CTNNA2: variants seen among roughly 807,000 people sequenced by gnomAD.
CTNNA2 encodes the protein catenin alpha 2.
CTNNA2 carries 42 observed loss-of-function variants against 101.0 expected under a neutral mutation model. The observed-to-expected ratio is 0.42, with a 90% CI of 0.32 to 0.54. CTNNA2 has a LOEUF of 0.54. Ranked by LOEUF, CTNNA2 falls within the 20% of genes least tolerant of loss-of-function variation. CTNNA2 has a pLI of 0.14. For synonymous variants in CTNNA2, 450 were observed against 456.4 expected, an observed-to-expected ratio of 0.99 and a Z score of 0.18; for missense variants, 871 against 1,223.1, an observed-to-expected ratio of 0.71 and a Z score of 4.29.
At chr2:80,051,198 C>G (rs1696857070) in intron 7 of CTNNA2, among the ~76,000 whole-genome samples, 2 of 152,204 alleles carry the variant, frequency 1.3e-5, no homozygotes, top group African/African-American at 2.4e-5. Flanking sequence ...AGGATTGTCA[C>G]TGGTAATTAT....
At chr2:80,377,157 A>G (rs1676032723) in intron 7 of CTNNA2, among the ~76,000 whole-genome samples, 2 of 152,232 alleles carry the variant, frequency 1.3e-5, no homozygotes, top group Non-Finnish European at 2.9e-5. Flanking sequence ...AGTGTTAAAT[A>G]TTACTCAGAT....
intron 7 of CTNNA2, among the ~76,000 whole-genome samples, chr2:80,085,381 A>G (rs11894967): frequency 0.014 from 2,164 of 152,212 alleles, 58 homozygotes; most frequent in African/African-American, 0.049. Context: ...TCACATTGCC[A>G]TGCCGAAGTT....
chr2:79,521,730 A>G (rs1186829966), intron 1 of CTNNA2, among the ~76,000 whole-genome samples: 1 of 152,178 alleles, frequency 6.6e-6, no homozygotes, highest in Non-Finnish European at 1.5e-5. Context: ...GGTTTTGGCA[A>G]GAGGTTGAAG....
rs1487894021 is a variant in CTNNA2, at chr2:80,647,587, G to A, written c.2577G>A (p.Leu859=). 2.5e-6 allele frequency: 4 copies of A among 1,607,804 alleles called. No homozygotes were observed. Among genetic ancestry groups the A allele is most frequent in the Admixed American group, 3.4e-5 (2 of 59,656 alleles). ...IGSGSSDSSM[L]DSATSLIQAA... ...ATCTCATTCTTTTCCTACTCTAGCT[G>A]GACAGTGCCACATCGCTTATCCAGG... Residue 859 remains leucine, a splice_region_variant and synonymous_variant, in exon 19 of 19, where the codon CTG becomes CTA. Coordinates refer to ENST00000402739, the MANE Select transcript of CTNNA2 (RefSeq NM_001282597.3).
At chr2:80,583,662 A>G (rs1024743741) in intron 14 of CTNNA2, among the ~76,000 whole-genome samples, 3 of 152,156 alleles carry the variant, frequency 2.0e-5, no homozygotes, top group Non-Finnish European at 4.4e-5. Context: ...CTTGCTTTAT[A>G]AGCACCATCT....
At chr2:79,353,596 C>G (rs369054783) in intron 3 of CTNNA2, among the ~76,000 whole-genome samples, 1 of 152,078 alleles carries the variant, frequency 6.6e-6, no homozygotes, top group Non-Finnish European at 1.5e-5. Context: ...AGACAGCATA[C>G]GGTGGGGTCT....
intron 4 of CTNNA2, among the ~76,000 whole-genome samples, chr2:79,378,629 A>G (rs1282835703): frequency 6.6e-6 from 1 of 152,124 alleles, no homozygotes; most frequent in Non-Finnish European, 1.5e-5. Context: ...TCCATTCTAC[A>G]TAATATTTGC....
At chr2:80,106,536 C>T (rs535913897) in intron 7 of CTNNA2, among the ~76,000 whole-genome samples, 67 of 152,216 alleles carry the variant, frequency 4.4e-4, no homozygotes, top group Non-Finnish European at 7.2e-4. Context: ...TGAAGTAGCA[C>T]GTTTAATCCT....
chr2:80,627,559 GT>G (rs541477593), intron 18 of CTNNA2, among the ~76,000 whole-genome samples: 17 of 152,008 alleles, frequency 1.1e-4, no homozygotes, highest in East Asian at 1.9e-4. Context: ...CTTTTTGATG[GT>G]TTTTTTCTTC....
chr2:80,027,010 G>A (rs1694971151), intron 7 of CTNNA2, among the ~76,000 whole-genome samples: 1 of 152,158 alleles, frequency 6.6e-6, no homozygotes, highest in Non-Finnish European at 1.5e-5. Context: ...GCTAGGGAGA[G>A]CTGGGAGTAG....
At chr2:79,957,064 GA>G (rs202044960) in intron 7 of CTNNA2, among the ~76,000 whole-genome samples, 4,017 of 152,142 alleles carry the variant, frequency 0.026, 88 homozygotes, top group Middle Eastern at 0.065. Context: ...TAACTTCAGT[GA>G]TAGAGAAGCC....
chr2:79,868,599 G>T lies in CTNNA2; in HGVS notation c.466-1217G>T, dbSNP rs1045492997. Among the ~76,000 whole-genome samples the T allele has an allele frequency of 2.6e-5, 4 of 152,324 alleles. No individual in the cohort carries two copies. In the South Asian group the frequency reaches 8.3e-4, roughly 32 times the overall value. ...ATGGTTATTTTCAGCCATTGTAGTT[G>T]TCATTTGTGTTTCCGAATTGTCAAA... is the stretch of plus-strand genomic sequence containing the variant. On this transcript the variant is annotated intron_variant, in intron 4 of 18. Coordinates refer to ENST00000402739, the MANE Select transcript of CTNNA2 (RefSeq NM_001282597.3).
At chr2:80,267,433 T>C (rs575330292) in intron 7 of CTNNA2, among the ~76,000 whole-genome samples, 1 of 152,324 alleles carries the variant, frequency 6.6e-6, no homozygotes, top group South Asian at 2.1e-4. Flanking sequence ...CAGTACCTGA[T>C]GCACTGCTCA....
At chr2:79,317,786 T>A (rs559838807) in intron 3 of CTNNA2, among the ~76,000 whole-genome samples, 1 of 152,232 alleles carries the variant, frequency 6.6e-6, no homozygotes, top group African/African-American at 2.4e-5. Context: ...TTGACAAATA[T>A]TTTGACCTTT....
At chr2:79,489,007 C>T (rs1404008967) in intron 4 of CTNNA2, among the ~76,000 whole-genome samples, 1 of 152,266 alleles carries the variant, frequency 6.6e-6, no homozygotes, top group Non-Finnish European at 1.5e-5. Context: ...AGCATGGAAC[C>T]AGGCTGACAG....
chr2:79,764,357 C>T (rs1672994995), intron 3 of CTNNA2, among the ~76,000 whole-genome samples: 2 of 152,112 alleles, frequency 1.3e-5, no homozygotes, highest in African/African-American at 2.4e-5. Context: ...CTATAGGCAA[C>T]CTATCACTAA....
intron 3 of CTNNA2, among the ~76,000 whole-genome samples, chr2:79,356,048 A>C (rs1032277121): frequency 1.3e-5 from 2 of 151,796 alleles, no homozygotes; most frequent in African/African-American, 4.8e-5. Context: ...AGCATTTTAC[A>C]GTCCTACCAG....
chr2:80,594,372 C>G (rs959368694), intron 15 of CTNNA2, among the ~76,000 whole-genome samples: 8 of 151,726 alleles, frequency 5.3e-5, no homozygotes, highest in African/African-American at 1.9e-4. Flanking sequence ...TTGTAGGAGT[C>G]CTTGGTATAT....
At chr2:80,325,408 A>C (rs1475208069) in intron 7 of CTNNA2, among the ~76,000 whole-genome samples, 2 of 152,216 alleles carry the variant, frequency 1.3e-5, no homozygotes, top group Non-Finnish European at 2.9e-5. Context: ...GAATCCTTTA[A>C]CCTTAGTCTC....
Sources: allele counts gnomAD v4.1 joint callset (sites outside exome capture counted in the v4.1 genomes callset), GRCh38; gene constraint gnomAD v4.1.1; transcripts MANE v1.5; gene names NCBI Gene and HGNC (gene_info 2026-07-23, HGNC 2026-07-21).